AGAP3: variants seen among roughly 807,000 people sequenced by gnomAD.
AGAP3 encodes the protein arf-GAP with GTPase, ANK repeat and PH domain-containing protein 3.
A neutral mutation model predicts 96.9 loss-of-function variants in AGAP3; 24 were observed. The observed-to-expected ratio is 0.25, with a 90% CI of 0.18 to 0.35. The LOEUF (loss-of-function observed/expected upper bound fraction) is 0.35. Ranked by LOEUF, AGAP3 falls within the 10% of genes least tolerant of loss-of-function variation. AGAP3 has a pLI of 1.00. For missense variants in AGAP3, 876 were observed against 1,254.2 expected (o/e 0.70, Z 4.55); for synonymous variants, 563 against 536.1 (o/e 1.05, Z -0.69).
chr7:151,104,195 C>T lies in AGAP3; in HGVS notation c.332-12598C>T, dbSNP rs189278424. Among the ~76,000 whole-genome samples the T allele has an allele frequency of 4.9e-4, 74 of 152,254 alleles. 1 individual carries two copies. The highest frequency in any genetic ancestry group is 7.8e-4 in the Admixed American group (12 of 15,290). On this transcript the variant is annotated intron_variant, in intron 1 of 17. Coordinates refer to ENST00000397238, the MANE Select transcript of AGAP3 (RefSeq NM_031946.7). Reference sequence around the variant, plus strand: ...GTGATATCGGGATTGTCAAGGTGGCCGTAAACCCGACAATCTTTCTGTAAG... The same window carrying T: ...GTGATATCGGGATTGTCAAGGTGGCTGTAAACCCGACAATCTTTCTGTAAG...
At position 151,108,455 on chromosome 7, in the gene AGAP3, C is replaced by G. The variant is rs574625835; in HGVS notation, c.332-8338C>G. 6.6e-6 allele frequency among the ~76,000 whole-genome samples: 1 copy of G among 152,318 alleles called. No individual in the cohort carries two copies. The highest frequency in any genetic ancestry group is 6.5e-5 in the Admixed American group (1 of 15,302). Reference sequence around the variant, plus strand: ...GCCACCCGCACCCCCACCAGCACCTCTGCCGCCTTCTCTCCCTCAGCTTTT... The same window carrying G: ...GCCACCCGCACCCCCACCAGCACCTGTGCCGCCTTCTCTCCCTCAGCTTTT... On this transcript the variant is annotated intron_variant, in intron 1 of 17. Coordinates refer to ENST00000397238, the MANE Select transcript of AGAP3 (RefSeq NM_031946.7). The surrounding 1 kb of genome is among the most constrained non-coding windows in gnomAD (Gnocchi z 4.2).
In AGAP3 at chr7:151,144,005, A is replaced by T; in HGVS notation, c.*62A>T. The T allele has an allele frequency of 6.6e-7, 1 of 1,506,288 alleles. No individual in the cohort carries two copies. The highest frequency in any genetic ancestry group is 2.3e-5 in the East Asian group (1 of 43,962). The allele number at this position is 1,506,288 out of a possible 1,614,324, so 93.3% of individuals were successfully genotyped here. A position where few individuals can be genotyped will look rare whatever the true frequency, so the allele number is the denominator to read the frequency against. On this transcript the variant is annotated 3_prime_UTR_variant, in exon 18 of 18. Coordinates refer to ENST00000397238, the MANE Select transcript of AGAP3 (RefSeq NM_031946.7). ...ATGGCCCAAAGACCCTCCTCCCTGC[A>T]GGCACTGTGGGAACAGACACAGAGA...
At position 151,142,139 on chromosome 7, in the gene AGAP3, C is replaced by G; in HGVS notation, c.1960-24C>G. On this transcript the variant is annotated intron_variant, in intron 14 of 17. Coordinates refer to ENST00000397238, the MANE Select transcript of AGAP3 (RefSeq NM_031946.7). This position sits in a 1 kb window ranked among gnomAD's most constrained non-coding sequence, Gnocchi z 7.5. ...TCATGACTGACCAACCGCCCCTTGT[C>G]TTGTCTCTCCTGCTGTGCGACAGAC... is the stretch of plus-strand genomic sequence containing the variant. The G allele has an allele frequency of 6.2e-7, 1 of 1,612,654 alleles. No individual in the cohort carries two copies. The highest frequency in any genetic ancestry group is 2.2e-5 in the East Asian group (1 of 44,858).
chr7:151,115,686 G>A, intron 1 of AGAP3: 1 of 1,107,104 alleles, frequency 9.0e-7, no homozygotes, highest in Non-Finnish European at 1.1e-6. Flanking sequence ...AACAGCTCGC[G>A]GGAGAAAAGC....
chr7:151,127,377 G>T (rs554897046), intron 9 of AGAP3, among the ~76,000 whole-genome samples: 52 of 152,324 alleles, frequency 3.4e-4, no homozygotes, highest in African/African-American at 1.1e-3. Context: ...AGTATGGGCA[G>T]AGTCCGCTTT....
At chr7:151,121,654 T>C (rs530217101) in intron 8 of AGAP3, among the ~76,000 whole-genome samples, 1 of 152,302 alleles carries the variant, frequency 6.6e-6, no homozygotes, top group East Asian at 1.9e-4. Flanking sequence ...GCCTCGACTC[T>C]GCTGCCCTCC....
At chr7:151,106,909 G>A (rs537538881) in intron 1 of AGAP3, among the ~76,000 whole-genome samples, 26 of 152,182 alleles carry the variant, frequency 1.7e-4, no homozygotes, top group African/African-American at 5.8e-4. Context: ...CAGCACCTTC[G>A]CACGTCTGCA....
At chr7:151,115,659 G>C in intron 1 of AGAP3, 1 of 1,153,814 alleles carries the variant, frequency 8.7e-7, no homozygotes, top group Non-Finnish European at 1.1e-6. Flanking sequence ...GGCGGGCCTG[G>C]GGGGCGTCTG....
rs953047336 is a variant in AGAP3, at chr7:151,096,882, A to G, written c.331+9810A>G. On this transcript the variant is annotated intron_variant, in intron 1 of 17. Coordinates refer to ENST00000397238, the MANE Select transcript of AGAP3 (RefSeq NM_031946.7). This position sits in a 1 kb window ranked among gnomAD's most constrained non-coding sequence, Gnocchi z 4.4. ...CAACCTCTGCCTCCCGAGTTCAAGC[A>G]ATTCTCGTGCCTCAGCCTCCCAAGG... Among the ~76,000 whole-genome samples, 3 of 152,016 alleles carry G rather than the reference A, an allele frequency of 2.0e-5. No individual in the cohort carries two copies. The highest frequency in any genetic ancestry group is 4.8e-5 in the African/African-American group (2 of 41,388).
Position 151,143,444 on chromosome 7 carries a change from G to A in AGAP3, c.2377G>A (p.Val793Met), listed in dbSNP as rs1463531575. The A allele has an allele frequency of 4.3e-6, 7 of 1,614,114 alleles. No individual in the cohort carries two copies. Among genetic ancestry groups the A allele is most frequent in the African/African-American group, 1.3e-5 (1 of 74,940 alleles). Reference sequence around the variant, plus strand: ...ACTGGGGCAGCAGCTGCTCCGGGCCGTGGTGGAAGATGACCTGCGGCTGTT... The same window carrying A: ...ACTGGGGCAGCAGCTGCTCCGGGCCATGGTGGAAGATGACCTGCGGCTGTT... ...VPLGQQLLRA[V>M]VEDDLRLLVM... Residue 793 changes from valine (V) to methionine (M), a missense_variant, in exon 17 of 18, where the codon GTG becomes ATG. Physicochemically the swap from Val to Met is conservative, Grantham distance 21 (BLOSUM62 1). This residue lies in a region of AGAP3 where 213 missense variants were observed against 253.8 expected (regional missense o/e 0.84). Coordinates refer to ENST00000397238, the MANE Select transcript of AGAP3 (RefSeq NM_031946.7). The surrounding 1 kb of genome is among the most constrained non-coding windows in gnomAD (Gnocchi z 5.9).
chr7:151,119,161 G>A (rs558486032), intron 7 of AGAP3: 4 of 176,554 alleles, frequency 2.3e-5, no homozygotes, highest in Admixed American at 5.4e-5. Context: ...GCCCGACACC[G>A]ACGGAGTGGG....
chr7:151,115,821 G>C (rs1799549604), intron 1 of AGAP3, among the ~76,000 whole-genome samples: 1 of 152,226 alleles, frequency 6.6e-6, no homozygotes, highest in Non-Finnish European at 1.5e-5. Flanking sequence ...GGACAGGCCG[G>C]AGGGGGAGCT....
At chr7:151,116,000 A>G (rs1178286460) in intron 1 of AGAP3, among the ~76,000 whole-genome samples, 1 of 152,118 alleles carries the variant, frequency 6.6e-6, no homozygotes. Flanking sequence ...CTGCTCTTTG[A>G]CACAAACTTG....
At chr7:151,120,528 C>A in intron 8 of AGAP3, 2 of 861,678 alleles carry the variant, frequency 2.3e-6, no homozygotes, top group Non-Finnish European at 3.4e-6. Flanking sequence ...AGCTAATGAA[C>A]CGGCGGCCGG....
chr7:151,107,048 G>A (rs1394780623), intron 1 of AGAP3, among the ~76,000 whole-genome samples: 1 of 152,142 alleles, frequency 6.6e-6, no homozygotes, highest in Non-Finnish European at 1.5e-5. Flanking sequence ...GGTGGCTCAC[G>A]CCTGTAATCC....
intron 8 of AGAP3, chr7:151,123,462 G>C: frequency 6.0e-6 from 7 of 1,160,926 alleles, no homozygotes; most frequent in Non-Finnish European, 7.5e-6. Flanking sequence ...CTGTGCTCCC[G>C]ACCAGCAGCC....
intron 11 of AGAP3, among the ~76,000 whole-genome samples, chr7:151,136,044 G>A (rs986221964): frequency 6.6e-6 from 1 of 152,222 alleles, no homozygotes; most frequent in African/African-American, 2.4e-5. Context: ...TGAGCCTGCC[G>A]TGGGGTTGTA....
intron 11 of AGAP3, among the ~76,000 whole-genome samples, chr7:151,135,897 T>TTTCA (rs1800572824): frequency 6.6e-6 from 1 of 152,130 alleles, no homozygotes; most frequent in Non-Finnish European, 1.5e-5. Context: ...TGTGTCTGAC[T>TTTCA]TGAAGAGCAA....
At chr7:151,121,186 G>A (rs1799869952) in intron 8 of AGAP3, among the ~76,000 whole-genome samples, 2 of 152,258 alleles carry the variant, frequency 1.3e-5, no homozygotes, top group Non-Finnish European at 1.5e-5. Context: ...CCGGCTGCCT[G>A]CCTCTGTCCC....
Sources: allele counts gnomAD v4.1 joint callset (sites outside exome capture counted in the v4.1 genomes callset), GRCh38; gene constraint gnomAD v4.1.1; regional missense constraint gnomAD v4.1.1; non-coding constraint Gnocchi (gnomAD v3.1); transcripts MANE v1.5; gene names NCBI Gene and HGNC (gene_info 2026-07-23, HGNC 2026-07-21).